The following TMEM178B variants were observed in gnomAD, a reference collection of about 807,000 sequenced individuals.
TMEM178B encodes transmembrane protein 178B.
A neutral mutation model predicts 31.0 loss-of-function variants in TMEM178B; 5 were observed. The ratio of observed to expected loss-of-function variants is 0.16; its 90% CI spans 0.08 to 0.34. The LOEUF is 0.34. Ranked by LOEUF, TMEM178B falls within the 10% of genes least tolerant of loss-of-function variation. The pLI is 1.00. For missense variants in TMEM178B, 275 were observed against 400.3 expected, an observed-to-expected ratio of 0.69 and a Z score of 2.67; for synonymous variants, 164 against 164.0, an observed-to-expected ratio of 1.00 and a Z score of 0.00.
At chr7:141,259,790 TGGTA>T (rs913478610) in intron 2 of TMEM178B, among the ~76,000 whole-genome samples, 1 of 152,240 alleles carries the variant, frequency 6.6e-6, no homozygotes, top group Non-Finnish European at 1.5e-5. Context: ...CACCTTAATC[TGGTA>T]GGGCCTCCAT....
At chr7:141,290,321 A>G (rs565313085) in intron 2 of TMEM178B, among the ~76,000 whole-genome samples, 1 of 152,232 alleles carries the variant, frequency 6.6e-6, no homozygotes, top group Admixed American at 6.5e-5. Context: ...ATATGGTTGC[A>G]GGAACTGATT....
intron 2 of TMEM178B, among the ~76,000 whole-genome samples, chr7:141,258,105 A>C (rs1797956902): frequency 6.6e-6 from 1 of 151,590 alleles, no homozygotes; most frequent in African/African-American, 2.4e-5. Flanking sequence ...CAAAATGTGG[A>C]AACTTTGCTC....
At chr7:141,154,957 T>C (rs1333966500) in intron 1 of TMEM178B, among the ~76,000 whole-genome samples, 6 of 152,166 alleles carry the variant, frequency 3.9e-5, no homozygotes, top group Non-Finnish European at 7.3e-5. Flanking sequence ...CTTGAACTGC[T>C]GACCTCAAGT....
chr7:141,199,368 A>G (rs1201297078), intron 1 of TMEM178B, among the ~76,000 whole-genome samples: 1 of 152,202 alleles, frequency 6.6e-6, no homozygotes, highest in Non-Finnish European at 1.5e-5. Flanking sequence ...TTAGTTAAGA[A>G]AAAGAGTCTC....
At position 141,260,505 on chromosome 7, in the gene TMEM178B, C is replaced by T. The variant is rs548510973; in HGVS notation, c.496+47801C>T. 8.5e-4 allele frequency among the ~76,000 whole-genome samples: 130 copies of T among 152,300 alleles called. 1 individual carries two copies. The Middle Eastern group carries it at 0.017, about 20-fold the overall frequency. On this transcript the variant is annotated intron_variant, in intron 2 of 3. Coordinates refer to ENST00000565468, the MANE Select transcript of TMEM178B (RefSeq NM_001195278.2). ...CACCACCATTCCAGAAGTCCCTCCC[C>T]ATCCTTGTATTTTGGTCATCTCTGA... is the stretch of plus-strand genomic sequence containing the variant.
intron 2 of TMEM178B, among the ~76,000 whole-genome samples, chr7:141,346,625 C>T (rs1002646747): frequency 1.3e-5 from 2 of 152,110 alleles, no homozygotes; most frequent in African/African-American, 4.8e-5. Context: ...TCCACACACA[C>T]TGCTACACAG....
At chr7:141,105,657 C>T (rs1795132334) in intron 1 of TMEM178B, among the ~76,000 whole-genome samples, 1 of 152,204 alleles carries the variant, frequency 6.6e-6, no homozygotes, top group Admixed American at 6.5e-5. Flanking sequence ...GTTCGAGCTG[C>T]TAAAGATGTT....
chr7:141,401,199 A>G (rs1800756232), intron 2 of TMEM178B, among the ~76,000 whole-genome samples: 1 of 152,266 alleles, frequency 6.6e-6, no homozygotes, highest in South Asian at 2.1e-4. Flanking sequence ...TTTCAAAAAT[A>G]TATTCAATTC....
At chr7:141,363,632 C>T (rs1586913855) in intron 2 of TMEM178B, among the ~76,000 whole-genome samples, 1 of 152,118 alleles carries the variant, frequency 6.6e-6, no homozygotes, top group Non-Finnish European at 1.5e-5. Context: ...AAGAATTATC[C>T]CCTTCTGTCC....
chr7:141,128,350 A>G (rs10267241), intron 1 of TMEM178B, among the ~76,000 whole-genome samples: 1,815 of 152,220 alleles, frequency 0.012, 37 homozygotes, highest in African/African-American at 0.041. Context: ...TCTCTCCAAA[A>G]GTTGAATATT....
At chr7:141,496,313 G>A in the TMEM178B span, among the ~76,000 whole-genome samples, 5 of 152,316 alleles carry the variant, frequency 3.3e-5, no homozygotes, top group African/African-American at 1.2e-4. Context: ...TGGCCTGTGA[G>A]AACCTGGTAT....
At chr7:141,371,384 CA>C (rs1373288536) in intron 2 of TMEM178B, among the ~76,000 whole-genome samples, 1 of 152,104 alleles carries the variant, frequency 6.6e-6, no homozygotes, top group Non-Finnish European at 1.5e-5. Context: ...CACCTTCTGC[CA>C]TAGTGGAAGC....
chr7:141,357,674 C>T (rs1799844149), intron 2 of TMEM178B, among the ~76,000 whole-genome samples: 1 of 152,212 alleles, frequency 6.6e-6, no homozygotes, highest in African/African-American at 2.4e-5. Context: ...CATTTATATG[C>T]ATCACTACTT....
intron 2 of TMEM178B, among the ~76,000 whole-genome samples, chr7:141,276,054 G>A (rs1310249670): frequency 1.3e-5 from 2 of 152,186 alleles, no homozygotes; most frequent in African/African-American, 4.8e-5. Context: ...ATTAACCTCA[G>A]TGCTCACCAG....
intron 2 of TMEM178B, among the ~76,000 whole-genome samples, chr7:141,266,205 G>A (rs1798092389): frequency 6.6e-6 from 1 of 152,238 alleles, no homozygotes; most frequent in African/African-American, 2.4e-5. Flanking sequence ...CTCTTCTGGT[G>A]CAACTCATTG....
At chr7:141,496,627 G>A in the TMEM178B span, among the ~76,000 whole-genome samples, 3 of 118,454 alleles carry the variant, frequency 2.5e-5, no homozygotes, top group Admixed American at 1.1e-4. Flanking sequence ...CCGAGATCCC[G>A]CCACTGCACT....
intron 2 of TMEM178B, among the ~76,000 whole-genome samples, chr7:141,384,291 C>G (rs60507413): frequency 1.3e-5 from 2 of 152,262 alleles, no homozygotes; most frequent in South Asian, 2.1e-4. Context: ...GAAGTCCTTG[C>G]CCACGCCTGT....
chr7:141,223,045 A>G (rs1797280688), intron 2 of TMEM178B, among the ~76,000 whole-genome samples: 1 of 152,202 alleles, frequency 6.6e-6, no homozygotes, highest in African/African-American at 2.4e-5. Flanking sequence ...TGTGAGTACA[A>G]CGTATTGAAA....
At chr7:141,216,176 C>A (rs1797140850) in intron 2 of TMEM178B, among the ~76,000 whole-genome samples, 1 of 151,984 alleles carries the variant, frequency 6.6e-6, no homozygotes. Flanking sequence ...GCCTCATCAT[C>A]AACCATTGAT....
Sources: gnomAD v4.1 joint callset for allele counts (sites outside exome capture counted in the v4.1 genomes callset) on GRCh38, gnomAD v4.1.1 for gene constraint, MANE v1.5 for transcripts, NCBI Gene and HGNC (gene_info 2026-07-23, HGNC 2026-07-21) for gene names.